Variants in TRPS1 observed in about 807,000 individuals in gnomAD.
The protein encoded by TRPS1 is zinc finger transcription factor Trps1.
Under a neutral mutation model 101.2 loss-of-function variants are expected in TRPS1, and 6 were observed. The ratio of observed to expected loss-of-function variants is 0.06; its 90% CI spans 0.03 to 0.12. The LOEUF is 0.12. Among genes scored for constraint, TRPS1 ranks in the 10% least tolerant of loss-of-function variants. The pLI is 1.00. For missense variants in TRPS1, 1,363 were observed against 1,567.0 expected, an observed-to-expected ratio of 0.87 and a Z score of 2.20; for synonymous variants, 578 against 589.8, an observed-to-expected ratio of 0.98 and a Z score of 0.29.
At chr8:115,606,484 T>C (rs1009730290) in intron 3 of TRPS1, among the ~76,000 whole-genome samples, 3 of 152,124 alleles carry the variant, frequency 2.0e-5, no homozygotes, top group African/African-American at 7.2e-5. Flanking sequence ...GGATGTAATA[T>C]TTCACATTAG....
intron 5 of TRPS1, among the ~76,000 whole-genome samples, chr8:115,585,380 A>AAC (rs1817540219): frequency 6.6e-6 from 1 of 152,204 alleles, no homozygotes; most frequent in African/African-American, 2.4e-5. Flanking sequence ...AGAAAAGGTA[A>AAC]TATTCCAGAA....
intron 5 of TRPS1, among the ~76,000 whole-genome samples, chr8:115,507,725 T>C (rs770302173): frequency 9.9e-5 from 15 of 152,128 alleles, no homozygotes; most frequent in Non-Finnish European, 1.5e-4. Context: ...TAATTTGAGA[T>C]AGACCTTTTC....
At chr8:115,484,407 G>T (rs2130076522) in intron 5 of TRPS1, among the ~76,000 whole-genome samples, 1 of 152,192 alleles carries the variant, frequency 6.6e-6, no homozygotes, top group East Asian at 1.9e-4. Context: ...AGAGAGGCAA[G>T]TCAAATATCA....
At chr8:115,533,438 T>TTTTTTTTTTTG (rs1193263695) in intron 5 of TRPS1, among the ~76,000 whole-genome samples, 18 of 118,412 alleles carry the variant, frequency 1.5e-4, no homozygotes, top group African/African-American at 6.3e-4. Context: ...TGTAATCTGT[T>TTTTTTTTTTTG]TTTTTTTTTT....
chr8:115,498,847 GT>G (rs1414017690), intron 5 of TRPS1, among the ~76,000 whole-genome samples: 3 of 152,104 alleles, frequency 2.0e-5, no homozygotes, highest in Non-Finnish European at 2.9e-5. Flanking sequence ...AATCCGGGTT[GT>G]TAACTGAAGT....
chr8:115,451,078 A>G (rs902112631), intron 5 of TRPS1, among the ~76,000 whole-genome samples: 2 of 152,200 alleles, frequency 1.3e-5, no homozygotes, highest in African/African-American at 2.4e-5. Flanking sequence ...CTTTACTTTT[A>G]ATGTTATTTA....
chr8:115,455,190 AT>A (rs1813985616), intron 5 of TRPS1, among the ~76,000 whole-genome samples: 1 of 152,228 alleles, frequency 6.6e-6, no homozygotes, highest in African/African-American at 2.4e-5. Context: ...GGCAAAAGAA[AT>A]GTAAATAACT....
intron 5 of TRPS1, among the ~76,000 whole-genome samples, chr8:115,562,876 C>CTGTGTGTGTGTGTGTGTGTGTGTG (rs10588354): frequency 7.5e-6 from 1 of 132,592 alleles, no homozygotes; most frequent in Non-Finnish European, 1.6e-5. Flanking sequence ...CCCACAGTGT[C>CTGTGTGTGTGTGTGTGTGTGTGTG]TGTGTGTGTG....
At chr8:115,572,070 A>G (rs1268830314) in intron 5 of TRPS1, among the ~76,000 whole-genome samples, 3 of 152,122 alleles carry the variant, frequency 2.0e-5, no homozygotes, top group Non-Finnish European at 4.4e-5. Flanking sequence ...TTCTGTTCTA[A>G]AACGTACTCT....
chr8:115,414,062 G>T lies in TRPS1; in HGVS notation c.3846C>A (p.Asn1282Lys), dbSNP rs1343541017. 4 of 1,613,658 alleles carry T rather than the reference G, an allele frequency of 2.5e-6. No individual in the cohort carries two copies. The highest frequency in any genetic ancestry group is 3.4e-6 in the Non-Finnish European group (4 of 1,179,790). ...TTCCATTTTTTTCCACTTGTGCATT[G>T]TTCCTATGCAGGCCCCTCTGGATAT... Reference protein sequence around the residue: ...TTHIQRGLHRNNAQVEKNGKP... With the variant: ...TTHIQRGLHRKNAQVEKNGKP... The change falls in exon 7 of 7, where the codon AAC becomes AAA. Residue 1282 changes from asparagine to lysine, a missense_variant. Physicochemically the swap from Asn to Lys is moderately conservative, Grantham distance 94. Transcript: ENST00000395715. The surrounding 1 kb of genome is among the most constrained non-coding windows in gnomAD (Gnocchi z 4.8).
chr8:115,515,918 T>C (rs1038427106), intron 5 of TRPS1, among the ~76,000 whole-genome samples: 2 of 151,460 alleles, frequency 1.3e-5, no homozygotes, highest in Non-Finnish European at 3.0e-5. Flanking sequence ...TTAGTTTGGT[T>C]TTCTCTGATT....
At chr8:115,420,000 T>G (rs1227224003) in intron 5 of TRPS1, among the ~76,000 whole-genome samples, 1 of 152,144 alleles carries the variant, frequency 6.6e-6, no homozygotes, top group Non-Finnish European at 1.5e-5. Context: ...CTTAACAAGA[T>G]TGGGGGAATG....
At chr8:115,535,060 G>T (rs1816249638) in intron 5 of TRPS1, among the ~76,000 whole-genome samples, 1 of 146,662 alleles carries the variant, frequency 6.8e-6, no homozygotes, top group Non-Finnish European at 1.5e-5. Flanking sequence ...CATATGTATA[G>T]CATATATATA....
chr8:115,414,163 A>C lies in TRPS1; in HGVS notation c.3745T>G (p.Cys1249Gly), dbSNP rs1283817465. Residue 1249 changes from cysteine to glycine, a missense_variant, in exon 7 of 7, where the codon TGC (cysteine) becomes GGC (glycine). Physicochemically the swap from Cys to Gly is radical, Grantham distance 159. Transcript: ENST00000395715. The surrounding 1 kb of genome is among the most constrained non-coding windows in gnomAD (Gnocchi z 4.8). ...TGGAAAGGTCCACTGTCACCATGGC[A>C]ACTCATATGCAAAGCATACATCACT... is the stretch of plus-strand genomic sequence containing the variant. ...DEVMYALHMS[C>G]HGDSGPFQCS... 4 of 1,613,912 alleles carry C rather than the reference A, an allele frequency of 2.5e-6. No homozygotes were observed. Among genetic ancestry groups the C allele is most frequent in the Non-Finnish European group, 3.4e-6 (4 of 1,179,936 alleles).
rs1183916870 is a variant in TRPS1 at position 115,604,619 on chromosome 8, T to G, written c.1350A>C (p.Lys450Asn). 2.0e-5 allele frequency: 32 copies of G among 1,613,998 alleles called. No individual in the cohort carries two copies. The highest frequency in any genetic ancestry group is 2.5e-5 in the Non-Finnish European group (29 of 1,179,982). ...ATGACTCACAGCTGAAACTACAAAATTTACACCAGTAGTAACTGGTGGCCT... is the reference window on the plus strand; with the variant it reads ...ATGACTCACAGCTGAAACTACAAAAGTTACACCAGTAGTAACTGGTGGCCT... ...GTEATSYYWC[K>N]FCSFSCESSS... The change falls in exon 4 of 7, where the codon AAA (lysine) becomes AAC (asparagine). Residue 450 changes from lysine to asparagine, a missense_variant. Lys to Asn is a moderately conservative substitution (Grantham distance 94, BLOSUM62 0). Coordinates refer to ENST00000395715, the MANE Select transcript of TRPS1 (RefSeq NM_014112.5). The surrounding 1 kb of genome is among the most constrained non-coding windows in gnomAD (Gnocchi z 4.1).
intron 4 of TRPS1, among the ~76,000 whole-genome samples, chr8:115,589,378 A>G (rs1213658307): frequency 6.6e-6 from 1 of 152,224 alleles, no homozygotes; most frequent in Admixed American, 6.5e-5. Context: ...TGAAATTCCA[A>G]AAGAATGTTC....
chr8:115,564,474 A>G (rs1392381764), intron 5 of TRPS1, among the ~76,000 whole-genome samples: 1 of 152,142 alleles, frequency 6.6e-6, no homozygotes, highest in Non-Finnish European at 1.5e-5. Context: ...CTATTTATAC[A>G]AACGATTGAA....
chr8:115,587,231 G>A lies in TRPS1; in HGVS notation c.2470C>T (p.Leu824=), dbSNP rs201981301. ...RGSPSYTQAS[L]GLLTPVSGTQ... is the part of the protein sequence containing the mutation. ...CCAGACACAGGCGTCAGCAGCCCCA[G>A]GCTTGCTTGGGTGTATGACGGACTC... Residue 824 remains leucine, a synonymous_variant, in exon 5 of 7, where the codon CTG becomes TTG. Transcript: ENST00000395715. 114 of 1,614,100 alleles carry A rather than the reference G, an allele frequency of 7.1e-5. No homozygotes were observed. Among genetic ancestry groups the A allele is most frequent in the Admixed American group, 1.8e-4 (11 of 60,012 alleles).
intron 1 of TRPS1, among the ~76,000 whole-genome samples, chr8:115,624,534 C>A (rs1234822541): frequency 6.6e-6 from 1 of 151,824 alleles, no homozygotes; most frequent in African/African-American, 2.4e-5. Context: ...GTAGCTTTCC[C>A]AAAATATTCT....
Sources: gnomAD v4.1 joint callset for allele counts (sites outside exome capture counted in the v4.1 genomes callset) on GRCh38, gnomAD v4.1.1 for gene constraint, Gnocchi (gnomAD v3.1) non-coding constraint, MANE v1.5 for transcripts, NCBI Gene and HGNC (gene_info 2026-07-23, HGNC 2026-07-21) for gene names.